The following TTN variants were observed in gnomAD, a reference collection of about 807,000 sequenced individuals.
The protein encoded by TTN is connectin.
Under a neutral mutation model 3,223.0 loss-of-function variants are expected in TTN, and 1,525 were observed. That is an observed-to-expected ratio of 0.47 (90% CI 0.45 to 0.49). TTN has a LOEUF of 0.49. TTN is among the 20% of genes least tolerant of loss of function. TTN has a pLI of 0.00. For synonymous variants in TTN, 14,094 were observed against 15,161.0 expected, an observed-to-expected ratio of 0.93 and a Z score of 5.17; for missense variants, 40,786 against 43,424.0, an observed-to-expected ratio of 0.94 and a Z score of 5.40.
Position 178,752,043 on chromosome 2 carries a change from G to GAA in TTN, c.11311+1079_11311+1080dup, listed in dbSNP as rs58651353. On this transcript the variant is annotated intron_variant, in intron 47 of 362. Transcript: ENST00000589042. Reference sequence around the variant, plus strand: ...GATTCCCCCTCAGAGAATAATTCTGGAAAAAAAAAAAAAAACCTTTACTAT... The same window carrying GAA: ...GATTCCCCCTCAGAGAATAATTCTGGAAAAAAAAAAAAAAAAACCTTTACTAT... The GAA allele has an allele frequency of 3.8e-4, 536 of 1,397,918 alleles. No individual in the cohort carries two copies. Among genetic ancestry groups the GAA allele is most frequent in the African/African-American group, 7.3e-4 (47 of 64,774 alleles). 86.6% of individuals were successfully genotyped at this position (1,397,918 alleles called of 1,614,324 possible). A position where few individuals can be genotyped will look rare whatever the true frequency, so the allele number is the denominator to read the frequency against.
intron 79 of TTN, 57 bp from the exon 80 acceptor site, chr2:178,720,720 AAATT>A: frequency 6.7e-7 from 1 of 1,488,824 alleles, no homozygotes; most frequent in Non-Finnish European, 8.9e-7. Context: ...AAGGAAAAAA[AAATT>A]AAATCTAGAA....
chr2:178,615,436 T>G lies in TTN; in HGVS notation c.48509A>C (p.Asn16170Thr), dbSNP rs370809363. ...TGGATCCCATGTTAAGAAGATGCTA[T>G]TGGCTGTTCGATCTCTCCATTTAAC... is the stretch of plus-strand genomic sequence containing the variant. ...ENVKWRDRTA[N>T]SIFLTWDPPK... Residue 16170 changes from asparagine to threonine, a missense_variant, in exon 259 of 363, where the codon AAT (asparagine) becomes ACT (threonine). Physicochemically the swap from Asn to Thr is moderately conservative, Grantham distance 65 (BLOSUM62 0). Coordinates refer to ENST00000589042, the MANE Select transcript of TTN (RefSeq NM_001267550.2). 2.1e-5 allele frequency: 34 copies of G among 1,612,440 alleles called. No individual in the cohort carries two copies. The highest frequency in any genetic ancestry group is 2.9e-5 in the Non-Finnish European group (34 of 1,178,992).
intron 151 of TTN, 115 bp from the exon 152 acceptor site, chr2:178,673,825 A>ATTTAGGTTGCTAAT: frequency 2.7e-6 from 2 of 728,474 alleles, no homozygotes; most frequent in Non-Finnish European, 4.4e-6. Flanking sequence ...AGATATTAGC[A>ATTTAGGTTGCTAAT]ACCTAAATGG....
chr2:178,619,228 T>C (rs1291575066), intron 250 of TTN: 6 of 355,956 alleles, frequency 1.7e-5, no homozygotes, highest in East Asian at 7.0e-5. Flanking sequence ...GGTACACTAA[T>C]GGCTTTTTCA....
At position 178,635,181 on chromosome 2, in the gene TTN, A is replaced by C; in HGVS notation, c.42008T>G (p.Leu14003Arg). The C allele has an allele frequency of 6.2e-7, 1 of 1,612,954 alleles. No individual in the cohort carries two copies. Among genetic ancestry groups the C allele is most frequent in the Middle Eastern group, 1.7e-4 (1 of 6,050 alleles). ...ATTACTCACAGGTGAGGGCCTTAGA[A>C]GTTCTCCTTTCAGTTTCCATTGTCC... Reference protein sequence around the residue: ...IPGQWKLKGELLRPSPTCEIK... With the variant: ...IPGQWKLKGERLRPSPTCEIK... Residue 14003 changes from leucine (L) to arginine (R), a missense_variant, in exon 228 of 363, where the codon CTT (leucine) becomes CGT (arginine). Coordinates refer to ENST00000589042, the MANE Select transcript of TTN (RefSeq NM_001267550.2).
In TTN at chr2:178,782,836, C is replaced by A; in HGVS notation, c.3070G>T (p.Val1024Phe). Residue 1024 changes from valine to phenylalanine, a missense_variant, in exon 18 of 363, where the codon GTC becomes TTC. Transcript: ENST00000589042. ...TCSAVNEAGT[V>F]STSCYLAVQV... ...ACAGCCAGATAGCAGGATGTGCTGACGGTTCCAGCCTCATTTACAGCACTG... is the reference window on the plus strand; with the variant it reads ...ACAGCCAGATAGCAGGATGTGCTGAAGGTTCCAGCCTCATTTACAGCACTG... The A allele has an allele frequency of 6.2e-7, 1 of 1,613,456 alleles. No homozygotes were observed. Among genetic ancestry groups the A allele is most frequent in the Non-Finnish European group, 8.5e-7 (1 of 1,179,870 alleles).
chr2:178,703,132 T>C lies in TTN; in HGVS notation c.30224-469A>G, dbSNP rs1192483072. Among the ~76,000 whole-genome samples, 7 of 152,288 alleles carry C rather than the reference T, an allele frequency of 4.6e-5. 1 individual carries two copies. Among genetic ancestry groups the C allele is most frequent in the African/African-American group, 1.7e-4 (7 of 41,558 alleles). ...AAATAATTTCAAACGCAATCGGAAA[T>C]CTGCACTTCTAAATTTCAAAAAGAA... On this transcript the variant is annotated intron_variant, in intron 106 of 362. Coordinates refer to ENST00000589042, the MANE Select transcript of TTN (RefSeq NM_001267550.2).
chr2:178,633,942 G>C lies in TTN; in HGVS notation c.42557C>G (p.Thr14186Arg). The C allele has an allele frequency of 6.2e-7, 1 of 1,613,378 alleles. No homozygotes were observed. Among genetic ancestry groups the C allele is most frequent in the Non-Finnish European group, 8.5e-7 (1 of 1,179,572 alleles). Residue 14186 changes from threonine (T) to arginine (R), a missense_variant, in exon 231 of 363, where the codon ACA becomes AGA. Physicochemically the swap from Thr to Arg is moderately conservative, Grantham distance 71 (BLOSUM62 -1). Coordinates refer to ENST00000589042, the MANE Select transcript of TTN (RefSeq NM_001267550.2). The stretch of plus-strand genomic sequence containing the variant: ...CTTGCCCTCAGAAGAGATGAGTACT[G>C]TTCTGCTTGTATGGAGTTTGGCATC... ...KNDAKLHTSR[T>R]VLISSEGKTH...
At chr2:178,787,808 T>C (rs1355843751) in intron 13 of TTN, among the ~76,000 whole-genome samples, 1 of 152,102 alleles carries the variant, frequency 6.6e-6, no homozygotes, top group Non-Finnish European at 1.5e-5. Flanking sequence ...ATACACACAC[T>C]TATTGGTGGA....
intron 46 of TTN, 25 bp from the exon 47 acceptor site, chr2:178,753,205 G>T (rs371010768): frequency 3.8e-5 from 59 of 1,549,264 alleles, no homozygotes; most frequent in Non-Finnish European, 5.0e-5. Context: ...CATATAAAGA[G>T]ATTTTAGTGA....
intron 317 of TTN, 41 bp from the exon 318 acceptor site, chr2:178,580,270 A>T (rs765977154): frequency 1.2e-6 from 2 of 1,605,492 alleles, no homozygotes; most frequent in Non-Finnish European, 1.7e-6. Flanking sequence ...ATGTGTAAAA[A>T]ATACATAAGC....
intron 47 of TTN, chr2:178,749,733 A>G: frequency 1.2e-6 from 2 of 1,612,978 alleles, no homozygotes; most frequent in African/African-American, 2.7e-5. Flanking sequence ...GAATCTTGAG[A>G]ATTAACATCC....
In TTN at chr2:178,553,391, G is replaced by T. The variant is rs1700119154; in HGVS notation, c.89509C>A (p.Pro29837Thr). The T allele has an allele frequency of 6.3e-7, 1 of 1,592,200 alleles. No homozygotes were observed. ...AGAGCCACATCCAGGTCAATCTCTG[G>T]TGCCTCTGTAGACATAAAATGGATA... The part of the protein sequence containing the change: ...PVQAKDILEA[P>T]EIDLDVALRT... Residue 29837 changes from proline to threonine, a missense_variant, in exon 335 of 363, where the codon CCA (proline) becomes ACA (threonine). Transcript: ENST00000589042.
intron 299 of TTN, 40 bp from the exon 300 acceptor site, chr2:178,593,123 A>G: frequency 6.2e-7 from 1 of 1,610,458 alleles, no homozygotes; most frequent in South Asian, 1.1e-5. Context: ...CATATAGCTG[A>G]AAACAAAGTT....
intron 119 of TTN, among the ~76,000 whole-genome samples, chr2:178,693,036 A>G (rs928648201): frequency 2.6e-5 from 4 of 152,026 alleles, no homozygotes; most frequent in African/African-American, 9.7e-5. Flanking sequence ...CCAAGGTGGT[A>G]TAAACACTCC....
rs368634670 is a variant in TTN at position 178,554,045 on chromosome 2, C to T, written c.89066G>A (p.Arg29689His). ...TCCTGTTACTTTTTGTCTGGTGTCA[C>T]GGATAGTCTCTTTTAGTACTTTAAA... The part of the protein sequence containing the change: ...GWFKVLKETI[R>H]DTRQKVTGLT... Residue 29689 changes from arginine (R) to histidine (H), a missense_variant, in exon 333 of 363, where the codon CGT (arginine) becomes CAT (histidine). By Grantham distance (29) the Arg-to-His change is conservative. Transcript: ENST00000589042. 71 of 1,613,806 alleles carry T rather than the reference C, an allele frequency of 4.4e-5. No homozygotes were observed. The highest frequency in any genetic ancestry group is 2.0e-4 in the African/African-American group (15 of 75,024).
At chr2:178,584,249 C>CAAT in intron 311 of TTN, 27 bp downstream of exon 311, 1 of 1,528,062 alleles carries the variant, frequency 6.5e-7, no homozygotes, top group Non-Finnish European at 8.8e-7. Context: ...AAAACAACAA[C>CAAT]AACAATAAAA....
chr2:178,720,392 C>G lies in TTN; in HGVS notation c.23370G>C (p.Lys7790Asn), dbSNP rs752463765. The change falls in exon 80 of 363, where the codon AAG becomes AAC. Residue 7790 changes from lysine (K) to asparagine (N), a missense_variant. Coordinates refer to ENST00000589042, the MANE Select transcript of TTN (RefSeq NM_001267550.2). ...GTGTCCATGTATACAAACCTTTGAA[C>G]TTGACAGAGCAAGAACACGTGTCAC... ...VGSDTCSCSVKFKEPPRFVKK... is the reference protein window; with the variant it reads ...VGSDTCSCSVNFKEPPRFVKK... The G allele has an allele frequency of 6.2e-7, 1 of 1,611,044 alleles. No individual in the cohort carries two copies. Among genetic ancestry groups the G allele is most frequent in the South Asian group, 1.1e-5 (1 of 90,586 alleles).
rs771798473 is a variant in TTN at position 178,764,279 on chromosome 2, G to C, written c.10012C>G (p.Gln3338Glu). Residue 3338 changes from glutamine to glutamate, a missense_variant, in exon 43 of 363, where the codon CAG becomes GAG. By Grantham distance (29) the Gln-to-Glu change is conservative. Transcript: ENST00000589042. ...VEVPEVVSPDQEMPVYPPAII... is the reference protein window; with the variant it reads ...VEVPEVVSPDEEMPVYPPAII... ...GCAGGTGGATAAACAGGCATTTCCT[G>C]ATCAGGAGACACAACTTCTGGAACT... 1 of 1,614,022 alleles carries C rather than the reference G, an allele frequency of 6.2e-7. No individual in the cohort carries two copies. Among genetic ancestry groups the C allele is most frequent in the African/African-American group, 1.3e-5 (1 of 75,026 alleles).
Sources: gnomAD v4.1 joint callset for allele counts (sites outside exome capture counted in the v4.1 genomes callset) on GRCh38, gnomAD v4.1.1 for gene constraint, MANE v1.5 for transcripts, NCBI Gene and HGNC (gene_info 2026-07-23, HGNC 2026-07-21) for gene names.